C14orf39: variants seen among roughly 807,000 people sequenced by gnomAD.
C14orf39 encodes chromosome 14 open reading frame 39.
C14orf39 carries 66 observed loss-of-function variants against 85.6 expected under a neutral mutation model. That is an observed-to-expected ratio of 0.77 (90% CI 0.63 to 0.95). The LOEUF is 0.95. Ranked by LOEUF, C14orf39 falls within the 40% of genes least tolerant of loss-of-function variation. The pLI is 0.00. For missense variants in C14orf39, 735 were observed against 663.9 expected (o/e 1.11, Z -1.18); for synonymous variants, 242 against 214.0 (o/e 1.13, Z -1.14).
intron 16 of C14orf39, among the ~76,000 whole-genome samples, chr14:60,453,236 T>C (rs948286265): frequency 6.6e-6 from 1 of 152,090 alleles, no homozygotes; most frequent in Non-Finnish European, 1.5e-5. Context: ...ATTTTGAAGC[T>C]GTTATTAGGC....
intron 7 of C14orf39, among the ~76,000 whole-genome samples, chr14:60,470,967 G>T (rs1162889106): frequency 1.3e-5 from 2 of 151,902 alleles, no homozygotes; most frequent in African/African-American, 4.8e-5. Flanking sequence ...TTATTTACAT[G>T]TCAGTCTTCC....
At chr14:60,507,314 T>G (rs1424319759) in intron 1 of C14orf39, among the ~76,000 whole-genome samples, 1 of 152,226 alleles carries the variant, frequency 6.6e-6, no homozygotes, top group Non-Finnish European at 1.5e-5. Flanking sequence ...CCTCTTTTTC[T>G]GCACCGCGGA....
chr14:60,460,976 A>G (rs1246116535), intron 13 of C14orf39, among the ~76,000 whole-genome samples: 1 of 151,984 alleles, frequency 6.6e-6, no homozygotes, highest in Admixed American at 6.6e-5. Flanking sequence ...CATTACAAAT[A>G]AAACCTATTT....
At chr14:60,481,772 C>T (rs1223568226) in intron 4 of C14orf39, among the ~76,000 whole-genome samples, 1 of 151,888 alleles carries the variant, frequency 6.6e-6, no homozygotes, top group Non-Finnish European at 1.5e-5. Context: ...GGTATTTACC[C>T]GTTTACCTTC....
At chr14:60,499,927 C>T (rs8010060) in intron 1 of C14orf39, among the ~76,000 whole-genome samples, 4,214 of 152,116 alleles carry the variant, frequency 0.028, 207 homozygotes, top group African/African-American at 0.095. Context: ...CAAAGAAATG[C>T]CCATTTTAAA....
intron 17 of C14orf39, among the ~76,000 whole-genome samples, chr14:60,437,390 A>G (rs557309566): frequency 1.3e-5 from 2 of 152,152 alleles, no homozygotes; most frequent in East Asian, 3.9e-4. Context: ...AGTAACAGAA[A>G]TCTATTCAGC....
upstream of C14orf39, among the ~76,000 whole-genome samples, chr14:60,488,333 C>T (rs1892936337): frequency 6.6e-6 from 1 of 152,102 alleles, no homozygotes; most frequent in South Asian, 2.1e-4. Flanking sequence ...TATCTTATTC[C>T]ATTCCAAAAT....
intron 16 of C14orf39, among the ~76,000 whole-genome samples, chr14:60,449,934 G>C (rs1262443399): frequency 6.6e-6 from 1 of 152,148 alleles, no homozygotes; most frequent in Non-Finnish European, 1.5e-5. Context: ...TTCCTAAAAG[G>C]GAATCCACTG....
chr14:60,492,263 TTC>T (rs543757101), intron 2 of C14orf39, among the ~76,000 whole-genome samples: 11 of 152,240 alleles, frequency 7.2e-5, no homozygotes, highest in Non-Finnish European at 1.3e-4. Flanking sequence ...TATGGCCTTT[TTC>T]TCTCCTTCCT....
At chr14:60,470,300 T>C (rs1157996508) in intron 7 of C14orf39, among the ~76,000 whole-genome samples, 3 of 151,834 alleles carry the variant, frequency 2.0e-5, no homozygotes, top group Admixed American at 1.3e-4. Context: ...TTATAATCCA[T>C]TTAGGAGAAT....
chr14:60,477,200 G>A (rs1040459764), intron 5 of C14orf39, among the ~76,000 whole-genome samples: 6 of 152,074 alleles, frequency 3.9e-5, no homozygotes, highest in Non-Finnish European at 8.8e-5. Context: ...AGATGATGGC[G>A]TACTCCAGCT....
At chr14:60,513,273 G>A (rs1409992619) in intron 1 of C14orf39, among the ~76,000 whole-genome samples, 1 of 152,192 alleles carries the variant, frequency 6.6e-6, no homozygotes, top group Non-Finnish European at 1.5e-5. Context: ...CCTCCTGTGG[G>A]TCCTGAAAGG....
At chr14:60,458,847 A>G in intron 13 of C14orf39, 108 bp from the exon 14 acceptor site, 1 of 796,996 alleles carries the variant, frequency 1.3e-6, no homozygotes, top group South Asian at 1.8e-5. Context: ...TAACCTACAA[A>G]AATGGCAACT....
chr14:60,504,220 G>A (rs1595496738), intron 1 of C14orf39, among the ~76,000 whole-genome samples: 1 of 152,334 alleles, frequency 6.6e-6, no homozygotes, highest in South Asian at 2.1e-4. Flanking sequence ...TATTTAATAA[G>A]CACTTTTTGC....
chr14:60,458,511 G>A (rs1891378855), intron 14 of C14orf39, among the ~76,000 whole-genome samples, 167 bp downstream of exon 14: 1 of 151,682 alleles, frequency 6.6e-6, no homozygotes. Context: ...AATTTTTGTG[G>A]CTTCATCTTT....
chr14:60,465,848 T>C (rs1288866913), intron 11 of C14orf39, 131 bp downstream of exon 11: 1 of 355,944 alleles, frequency 2.8e-6, no homozygotes, highest in East Asian at 4.5e-5. Context: ...TTAATAAATT[T>C]ATAACACACA....
At chr14:60,470,439 TAA>T (rs1237518011) in intron 7 of C14orf39, among the ~76,000 whole-genome samples, 2 of 151,938 alleles carry the variant, frequency 1.3e-5, no homozygotes, top group African/African-American at 4.8e-5. Context: ...TCATGATTTA[TAA>T]GTCTATTATT....
intron 15 of C14orf39, among the ~76,000 whole-genome samples, chr14:60,456,533 G>C (rs899273176): frequency 6.6e-6 from 1 of 151,446 alleles, no homozygotes; most frequent in African/African-American, 2.4e-5. Flanking sequence ...TGGGACTACA[G>C]GCACATGCCA....
upstream of C14orf39, among the ~76,000 whole-genome samples, chr14:60,489,367 C>T (rs941069463): frequency 1.3e-5 from 2 of 152,152 alleles, no homozygotes; most frequent in African/African-American, 2.4e-5. Context: ...GCTTTCGTTT[C>T]CTCACATATA....
Sources: allele counts gnomAD v4.1 joint callset (sites outside exome capture counted in the v4.1 genomes callset), GRCh38; gene constraint gnomAD v4.1.1; transcripts MANE v1.5; gene names NCBI Gene and HGNC (gene_info 2026-07-23, HGNC 2026-07-21).